MCM5: variants seen among roughly 807,000 people sequenced by gnomAD.
MCM5 encodes minichromosome maintenance complex component 5.
A neutral mutation model predicts 79.9 loss-of-function variants in MCM5; 46 were observed. That is an observed-to-expected ratio of 0.58 (90% CI 0.45 to 0.74). The LOEUF is 0.74. Ranked by LOEUF, MCM5 falls within the 30% of genes least tolerant of loss-of-function variation. The pLI is 0.00. For missense variants in MCM5, 883 were observed against 1,017.0 expected, an observed-to-expected ratio of 0.87 and a Z score of 1.79; for synonymous variants, 404 against 390.5, an observed-to-expected ratio of 1.03 and a Z score of -0.41.
the MCM5 span, among the ~76,000 whole-genome samples, chr22:35,439,152 C>T: frequency 1.3e-5 from 2 of 151,840 alleles, no homozygotes; most frequent in Admixed American, 1.3e-4. Context: ...CATATTCATC[C>T]ATCCATCCAT....
In MCM5 at chr22:35,412,527, G is replaced by T. The variant is rs963805415; in HGVS notation, c.937G>T (p.Ala313Ser). The T allele has an allele frequency of 2.6e-6, 4 of 1,564,404 alleles. No homozygotes were observed. Among genetic ancestry groups the T allele is most frequent in the Admixed American group, 3.8e-5 (2 of 53,316 alleles). The change falls in exon 8 of 17, where the codon GCC becomes TCC. Residue 313 changes from alanine (A) to serine (S), a missense_variant. Physicochemically the swap from Ala to Ser is moderately conservative, Grantham distance 99 (BLOSUM62 1). Around this residue, in one of 3 missense-constraint regions of MCM5, gnomAD observed 455 missense variants for 517.5 expected, o/e 0.88. Coordinates refer to ENST00000216122, the MANE Select transcript of MCM5 (RefSeq NM_006739.4). The stretch of plus-strand genomic sequence containing the variant: ...CTACCAAGGCCGCAGCTTTGCTGGG[G>T]CCGTGAGCCCCCAGGAGGAGGAGGA... ...TDGSGRSFAG[A>S]VSPQEEEEFR... is the part of the protein sequence containing the mutation.
chr22:35,412,600 A>G lies in MCM5; in HGVS notation c.1010A>G (p.Lys337Arg). 1.3e-6 allele frequency: 2 copies of G among 1,589,326 alleles called. No homozygotes were observed. Among genetic ancestry groups the G allele is most frequent in the African/African-American group, 2.7e-5 (2 of 74,054 alleles). ...ALPNVYEVISKSIAPSIFGGT... is the reference protein window; with the variant it reads ...ALPNVYEVISRSIAPSIFGGT... ...CCAAATGTCTATGAGGTCATCTCCA[A>G]GAGCATCGCCCCCTCCATCTTTGGG... Residue 337 changes from lysine (K) to arginine (R), a missense_variant, in exon 8 of 17, where the codon AAG becomes AGG. Physicochemically the swap from Lys to Arg is conservative, Grantham distance 26. Transcript: ENST00000216122.
At position 35,421,309 on chromosome 22, in the gene MCM5, C is replaced by T. The variant is rs1932686437; in HGVS notation, c.1833-9C>T. The T allele has an allele frequency of 3.7e-6, 6 of 1,610,884 alleles. No homozygotes were observed. The South Asian group carries it at 6.6e-5, about 18-fold the overall frequency. ...CGAGGCTACCCTGAGCACGCTGTTG[C>T]CCCCACAGGCAGCTGGAGGCCATTG... On this transcript the variant is annotated splice_polypyrimidine_tract_variant and intron_variant, in intron 14 of 16. Coordinates refer to ENST00000216122, the MANE Select transcript of MCM5 (RefSeq NM_006739.4).
In MCM5 at chr22:35,415,861, T is replaced by A; in HGVS notation, c.1236T>A (p.Ala412=). 1 of 1,613,928 alleles carries A rather than the reference T, an allele frequency of 6.2e-7. No homozygotes were observed. Among genetic ancestry groups the A allele is most frequent in the Non-Finnish European group, 8.5e-7 (1 of 1,180,024 alleles). ...VYTSGKGSSA[A]GLTASVMRDP... is the part of the protein sequence containing the mutation. ...CGTCTGGGAAAGGCAGCAGCGCAGC[T>A]GGACTGACAGCCTCGGTGATGAGGG... The change falls in exon 10 of 17, where the codon GCT becomes GCA. Residue 412 remains alanine, a synonymous_variant. Transcript: ENST00000216122.
rs533804055 is a variant in MCM5 at position 35,412,295 on chromosome 22, C to T, written c.920-215C>T. On this transcript the variant is annotated intron_variant, in intron 7 of 16. Transcript: ENST00000216122. ...TCTGTTTGCTCAGAACCCTTCTCCCCACTTCCCCTCACCCTTTGGACCCTG... is the reference window on the plus strand; with the variant it reads ...TCTGTTTGCTCAGAACCCTTCTCCCTACTTCCCCTCACCCTTTGGACCCTG... Among the ~76,000 whole-genome samples, 13 of 152,350 alleles carry T rather than the reference C, an allele frequency of 8.5e-5. No individual in the cohort carries two copies. The South Asian group carries it at 2.1e-3, about 24-fold the overall frequency.
At chr22:35,402,334 T>G (rs189779892) in intron 2 of MCM5, among the ~76,000 whole-genome samples, 78 of 151,558 alleles carry the variant, frequency 5.1e-4, no homozygotes, top group African/African-American at 1.8e-3. Context: ...GTTTTTTGTT[T>G]TTTTTTTTTT....
chr22:35,427,148 C>G (rs549214370), downstream of MCM5, among the ~76,000 whole-genome samples: 11 of 152,308 alleles, frequency 7.2e-5, no homozygotes, highest in South Asian at 2.3e-3. Context: ...CGATCTTCAC[C>G]AGACCTGTGA....
downstream of MCM5, among the ~76,000 whole-genome samples, chr22:35,426,533 C>T (rs1223973246): frequency 6.6e-6 from 1 of 152,176 alleles, no homozygotes; most frequent in Non-Finnish European, 1.5e-5. Context: ...CTGTCCCTAC[C>T]CTCACCAGCT....
chr22:35,447,762 T>C, the MCM5 span, among the ~76,000 whole-genome samples: 120,498 of 152,124 alleles, frequency 0.79, 48,316 homozygotes, highest in African/African-American at 0.88. Flanking sequence ...CCACCACACC[T>C]GGCCAGCTCA....
intron 16 of MCM5, chr22:35,423,596 A>T: frequency 3.0e-6 from 1 of 329,450 alleles, no homozygotes. Flanking sequence ...TTCTGGTGAA[A>T]CCCCATACAA....
At chr22:35,434,748 T>C in the MCM5 span, among the ~76,000 whole-genome samples, 1 of 152,242 alleles carries the variant, frequency 6.6e-6, no homozygotes, top group East Asian at 1.9e-4. Flanking sequence ...CCACAGTTCC[T>C]GCTCATGGGT....
the MCM5 span, among the ~76,000 whole-genome samples, chr22:35,452,594 A>G: frequency 6.6e-6 from 1 of 152,190 alleles, no homozygotes; most frequent in Non-Finnish European, 1.5e-5. Flanking sequence ...AGGGCAGGGC[A>G]GGGCACTTCA....
At chr22:35,415,807 T>G (rs1365520053) in intron 9 of MCM5, 22 bp from the exon 10 acceptor site, 1 of 1,605,252 alleles carries the variant, frequency 6.2e-7, no homozygotes, top group South Asian at 1.1e-5. Context: ...TATTGGGCCC[T>G]GACACCACCC....
At chr22:35,426,552 C>T (rs1331705219), downstream of MCM5, among the ~76,000 whole-genome samples, 1 of 152,178 alleles carries the variant, frequency 6.6e-6, no homozygotes, top group Non-Finnish European at 1.5e-5. Context: ...CTACAGGCCG[C>T]GACCCAGCGG....
At chr22:35,409,152 A>G (rs2145789012) in intron 6 of MCM5, among the ~76,000 whole-genome samples, 1 of 152,238 alleles carries the variant, frequency 6.6e-6, no homozygotes, top group Middle Eastern at 3.4e-3. Context: ...TTTAGTAGAG[A>G]TGAGGTTTCA....
At chr22:35,417,301 G>A (rs1932571074) in intron 12 of MCM5, among the ~76,000 whole-genome samples, 1 of 152,120 alleles carries the variant, frequency 6.6e-6, no homozygotes, top group African/African-American at 2.4e-5. Context: ...CTCTTGTGGT[G>A]GCAAAGACAA....
chr22:35,437,663 A>G, the MCM5 span, among the ~76,000 whole-genome samples: 1 of 152,158 alleles, frequency 6.6e-6, no homozygotes, highest in Non-Finnish European at 1.5e-5. Flanking sequence ...GGGAAAGAAG[A>G]CGGGTTACAG....
rs559446299 is a variant in MCM5, at chr22:35,407,994, G to A, written c.597-414G>A. Among the ~76,000 whole-genome samples the A allele has an allele frequency of 3.9e-5, 6 of 152,298 alleles. No individual in the cohort carries two copies. In the East Asian group the frequency reaches 5.8e-4, roughly 15 times the overall value. ...TAATGACATAATTACCTAGGGATAC[G>A]TAGAGGCTTAGACCCTCAGAATGGT... On this transcript the variant is annotated intron_variant, in intron 5 of 16. Transcript: ENST00000216122.
rs760835916 is a variant in MCM5, at chr22:35,421,314, A to G, written c.1833-4A>G. On this transcript the variant is annotated splice_polypyrimidine_tract_variant and splice_region_variant and intron_variant, in intron 14 of 16. Coordinates refer to ENST00000216122, the MANE Select transcript of MCM5 (RefSeq NM_006739.4). ...CTACCCTGAGCACGCTGTTGCCCCC[A>G]CAGGCAGCTGGAGGCCATTGTGCGC... The G allele has an allele frequency of 2.5e-6, 4 of 1,611,606 alleles. No individual in the cohort carries two copies. The Admixed American group carries it at 6.7e-5, about 27-fold the overall frequency.
Sources: gnomAD v4.1 joint callset for allele counts (sites outside exome capture counted in the v4.1 genomes callset) on GRCh38, gnomAD v4.1.1 for gene constraint, gnomAD v4.1.1 regional missense constraint, MANE v1.5 for transcripts, NCBI Gene and HGNC (gene_info 2026-07-23, HGNC 2026-07-21) for gene names.